Variants in UBE2V2 observed in about 807,000 individuals in gnomAD.
UBE2V2 encodes ubiquitin conjugating enzyme E2 V2.
Under a neutral mutation model 17.2 loss-of-function variants are expected in UBE2V2, and 9 were observed. The observed-to-expected ratio is 0.52, with a 90% confidence interval of 0.32 to 0.91. UBE2V2 has a LOEUF of 0.91. Ranked by LOEUF, UBE2V2 falls within the 40% of genes least tolerant of loss-of-function variation. The probability of loss-of-function intolerance (pLI) is 0.04; values close to 1 mark genes in which losing one functional copy is unlikely to be tolerated. For synonymous variants in UBE2V2, 61 were observed against 57.5 expected (o/e 1.06, Z -0.28); for missense variants, 133 against 182.6 (o/e 0.73, Z 1.56).
At chr8:48,042,934 ATAAT>A in intron 1 of UBE2V2, 95 bp from the exon 2 acceptor site, 4 of 1,235,156 alleles carry the variant, frequency 3.2e-6, no homozygotes, top group Non-Finnish European at 4.2e-6. Context: ...TTTTTGGGAA[ATAAT>A]TTATAAAGGT....
chr8:48,025,821 C>T (rs561578353), intron 1 of UBE2V2, among the ~76,000 whole-genome samples: 2 of 150,634 alleles, frequency 1.3e-5, no homozygotes, highest in Admixed American at 1.3e-4. Context: ...AGGATGGTCT[C>T]AATCTCCTGA....
chr8:48,060,376 C>T (rs902995993), intron 3 of UBE2V2, among the ~76,000 whole-genome samples: 4 of 151,834 alleles, frequency 2.6e-5, no homozygotes, highest in African/African-American at 7.3e-5. Context: ...TGGAGAGGAA[C>T]CTTTTGACCT....
chr8:48,055,877 G>A (rs2091568311), intron 3 of UBE2V2, among the ~76,000 whole-genome samples: 1 of 151,342 alleles, frequency 6.6e-6, no homozygotes, highest in Non-Finnish European at 1.5e-5. Context: ...TCCTGCCTCA[G>A]CCTCCCAAGT....
At chr8:48,026,203 G>A (rs192189598) in intron 1 of UBE2V2, among the ~76,000 whole-genome samples, 1 of 151,886 alleles carries the variant, frequency 6.6e-6, no homozygotes, top group Non-Finnish European at 1.5e-5. Context: ...GGAGTTTTGG[G>A]ACTGGGAAGA....
chr8:48,031,549 C>T (rs964871754), intron 1 of UBE2V2, among the ~76,000 whole-genome samples: 2 of 152,110 alleles, frequency 1.3e-5, no homozygotes, highest in African/African-American at 4.8e-5. Context: ...ATGTATTCTC[C>T]ACACCACAGA....
intron 1 of UBE2V2, among the ~76,000 whole-genome samples, chr8:48,013,428 C>T (rs1249726602): frequency 6.6e-6 from 1 of 152,026 alleles, no homozygotes; most frequent in Non-Finnish European, 1.5e-5. Flanking sequence ...TGGCCTCAGC[C>T]TCCGAAGTAG....
chr8:47,999,245 C>T, the UBE2V2 span, among the ~76,000 whole-genome samples: 2 of 152,244 alleles, frequency 1.3e-5, no homozygotes, highest in East Asian at 3.9e-4. Flanking sequence ...CAGTTTGTCC[C>T]TAACAATATC....
At chr8:48,048,595 TTTGC>T (rs2091515602) in intron 2 of UBE2V2, among the ~76,000 whole-genome samples, 1 of 152,242 alleles carries the variant, frequency 6.6e-6, no homozygotes, top group South Asian at 2.1e-4. Context: ...ATTATTAATA[TTTGC>T]TTGCTATTAA....
chr8:48,008,603 G>C, intron 1 of UBE2V2, 133 bp downstream of exon 1: 2 of 1,350,698 alleles, frequency 1.5e-6, no homozygotes, highest in Non-Finnish European at 1.9e-6. Flanking sequence ...GCTCTCCGCA[G>C]AGCGTAGCCT....
intron 1 of UBE2V2, chr8:48,042,568 TG>T (rs1159295944): frequency 2.0e-5 from 3 of 151,754 alleles, no homozygotes; most frequent in African/African-American, 7.3e-5. Flanking sequence ...TGGGTGGGAC[TG>T]CTTCAGGATT....
At chr8:48,008,582 T>C (rs2091203002) in intron 1 of UBE2V2, 112 bp downstream of exon 1, 1 of 1,417,790 alleles carries the variant, frequency 7.1e-7, no homozygotes, top group East Asian at 3.1e-5. Flanking sequence ...GTGCGCTGTC[T>C]CGAATGCCGC....
intron 1 of UBE2V2, among the ~76,000 whole-genome samples, chr8:48,009,171 T>G (rs529325518): frequency 4.5e-4 from 69 of 152,334 alleles, no homozygotes; most frequent in African/African-American, 1.5e-3. Flanking sequence ...CGTTGAGGTT[T>G]TAGACATTAG....
intron 1 of UBE2V2, among the ~76,000 whole-genome samples, chr8:48,021,477 T>C (rs1451187141): frequency 6.6e-6 from 1 of 151,252 alleles, no homozygotes; most frequent in East Asian, 2.0e-4. Context: ...CGGCTAATAT[T>C]TTGTATTTTT....
At chr8:48,017,202 A>G (rs1349113047) in intron 1 of UBE2V2, among the ~76,000 whole-genome samples, 5 of 151,836 alleles carry the variant, frequency 3.3e-5, no homozygotes, top group Non-Finnish European at 5.9e-5. Context: ...TTTTTTTCAT[A>G]TACCTCTTGG....
upstream of UBE2V2, among the ~76,000 whole-genome samples, chr8:48,005,772 A>G (rs2091179598): frequency 6.6e-6 from 1 of 152,232 alleles, no homozygotes; most frequent in African/African-American, 2.4e-5. Context: ...ATGACCAGTG[A>G]TGATGAGCTT....
chr8:48,011,195 TC>T (rs2091228476), intron 1 of UBE2V2, among the ~76,000 whole-genome samples: 1 of 152,062 alleles, frequency 6.6e-6, no homozygotes. Flanking sequence ...TGAAACGGAG[TC>T]TCGCCTTGTT....
rs371159992 is a variant in UBE2V2 at position 48,060,832 on chromosome 8, T to C, written c.*4T>C. The C allele has an allele frequency of 1.1e-5, 16 of 1,498,730 alleles. No homozygotes were observed. In the African/African-American group the frequency reaches 2.3e-4, roughly 21 times the overall value. The allele number at this position is 1,498,730 out of a possible 1,614,324, so 92.8% of individuals were successfully genotyped here. A position where few individuals can be genotyped will look rare whatever the true frequency, so the allele number is the denominator to read the frequency against. ...AGGACAAACATACAACAATTAATTT[T>C]AGTGGATCTCAAACTTGTCTTAAAT... On this transcript the variant is annotated 3_prime_UTR_variant, in exon 4 of 4. Coordinates refer to ENST00000523111, the MANE Select transcript of UBE2V2 (RefSeq NM_003350.3).
chr8:48,016,467 C>T (rs973180755), intron 1 of UBE2V2, among the ~76,000 whole-genome samples: 4 of 152,050 alleles, frequency 2.6e-5, no homozygotes, highest in Admixed American at 1.3e-4. Context: ...CACATACTCA[C>T]CAACACTTGT....
chr8:48,058,877 C>T (rs1243897211), intron 3 of UBE2V2, among the ~76,000 whole-genome samples: 1 of 151,664 alleles, frequency 6.6e-6, no homozygotes, highest in Non-Finnish European at 1.5e-5. Flanking sequence ...TTGAATCTAT[C>T]TTGTGTTTCT....
Sources: allele counts gnomAD v4.1 joint callset (sites outside exome capture counted in the v4.1 genomes callset), GRCh38; gene constraint gnomAD v4.1.1; transcripts MANE v1.5; gene names NCBI Gene and HGNC (gene_info 2026-07-23, HGNC 2026-07-21).